The following CSGALNACT1 variants were observed in gnomAD, a reference collection of about 807,000 sequenced individuals.
The protein encoded by CSGALNACT1 is chondroitin sulfate N-acetylgalactosaminyltransferase 1.
CSGALNACT1 carries 52 observed loss-of-function variants against 51.0 expected under a neutral mutation model. That is an observed-to-expected ratio of 1.02 (90% CI 0.82 to 1.29). The LOEUF (loss-of-function observed/expected upper bound fraction) is 1.29. Ranked by LOEUF, CSGALNACT1 falls within the 50% of genes most tolerant of loss-of-function variation. The pLI is 0.00. For synonymous variants in CSGALNACT1, 341 were observed against 254.4 expected, an observed-to-expected ratio of 1.34 and a Z score of -3.24; for missense variants, 935 against 679.2, an observed-to-expected ratio of 1.38 and a Z score of -4.19.
intron 3 of CSGALNACT1, among the ~76,000 whole-genome samples, 196 bp from the exon 3 acceptor site, chr8:19,506,326 G>C (rs1322022899): frequency 6.6e-6 from 1 of 152,136 alleles, no homozygotes. Flanking sequence ...AGCAACAAAG[G>C]ACAGAGAAAA....
chr8:19,580,463 C>T (rs7838412), intron 3 of CSGALNACT1, among the ~76,000 whole-genome samples: 127,588 of 152,146 alleles, frequency 0.84, 53,589 homozygotes, highest in East Asian at 1. Flanking sequence ...ACCTTAGAAA[C>T]AAACCAAATG....
Position 19,679,086 on chromosome 8 carries a change from A to G in CSGALNACT1, c.-544+3387T>C, listed in dbSNP as rs531331996. On this transcript the variant is annotated intron_variant, in intron 1 of 9. Coordinates refer to the CSGALNACT1 transcript ENST00000332246. ...GTAGAAAAATTTCATAAAGACTTGA[A>G]AAACTTTCATAATTATTCTATGTAC... Among the ~76,000 whole-genome samples, 3 of 152,318 alleles carry G rather than the reference A, an allele frequency of 2.0e-5. No homozygotes were observed. In the South Asian group the frequency reaches 6.2e-4, roughly 32 times the overall value.
intron 1 of CSGALNACT1, among the ~76,000 whole-genome samples, chr8:19,725,588 C>G (rs1034891777): frequency 1.9e-4 from 29 of 151,730 alleles, no homozygotes; most frequent in African/African-American, 7.0e-4. Context: ...CCATGCCCAG[C>G]TAGTTTTTGT....
chr8:19,667,075 GAA>G (rs1384745526), intron 1 of CSGALNACT1, among the ~76,000 whole-genome samples: 1 of 125,286 alleles, frequency 8.0e-6, no homozygotes, highest in African/African-American at 2.9e-5. Context: ...AAGAAAGAAA[GAA>G]AGAAAGAAAG....
chr8:19,521,968 T>C (rs2080818480), intron 3 of CSGALNACT1, among the ~76,000 whole-genome samples: 1 of 152,218 alleles, frequency 6.6e-6, no homozygotes, highest in African/African-American at 2.4e-5. Context: ...CTTCCACATC[T>C]TGTATTTCCC....
intron 1 of CSGALNACT1, among the ~76,000 whole-genome samples, chr8:19,676,090 AC>A (rs72077278): frequency 0.13 from 19,772 of 146,528 alleles, 2,179 homozygotes; most frequent in African/African-American, 0.16. Context: ...GATTTAAAAA[AC>A]AAAACAAAAC....
chr8:19,756,209 A>T (rs1287060340), intron 1 of CSGALNACT1, among the ~76,000 whole-genome samples: 1 of 152,136 alleles, frequency 6.6e-6, no homozygotes, highest in Non-Finnish European at 1.5e-5. Context: ...TACAGAATTA[A>T]ATTTAAATTT....
chr8:19,527,149 G>C (rs2081884118), intron 3 of CSGALNACT1, among the ~76,000 whole-genome samples: 1 of 152,158 alleles, frequency 6.6e-6, no homozygotes, highest in Non-Finnish European at 1.5e-5. Flanking sequence ...ATCCATGAAA[G>C]GATAAATCAA....
At chr8:19,558,191 C>T (rs1197623962) in intron 3 of CSGALNACT1, among the ~76,000 whole-genome samples, 4 of 152,208 alleles carry the variant, frequency 2.6e-5, no homozygotes, top group East Asian at 3.8e-4. Context: ...ATGTTTACTA[C>T]AAGTGTTATT....
chr8:19,741,563 A>G lies in CSGALNACT1; in HGVS notation c.-297+16287T>C, dbSNP rs369912808. Among the ~76,000 whole-genome samples the G allele has an allele frequency of 8.4e-4, 125 of 148,620 alleles. 1 individual carries two copies. The highest frequency in any genetic ancestry group is 1.3e-3 in the Non-Finnish European group (84 of 67,014). On this transcript the variant is annotated intron_variant, in intron 1 of 1. Transcript: ENST00000517494. Reference sequence around the variant, plus strand: ...GGGCGAAAGAGTGAGACTCCATCAAAAAAAAAAAAAAAAAAAGGGAGTCTT... The same window carrying G: ...GGGCGAAAGAGTGAGACTCCATCAAGAAAAAAAAAAAAAAAAGGGAGTCTT...
At chr8:19,464,332 T>G (rs2066194225) in intron 4 of CSGALNACT1, among the ~76,000 whole-genome samples, 1 of 151,994 alleles carries the variant, frequency 6.6e-6, no homozygotes, top group South Asian at 2.1e-4. Context: ...ACAGCACCAC[T>G]CAAACCCCAC....
upstream of CSGALNACT1, among the ~76,000 whole-genome samples, chr8:19,683,951 A>G (rs1240813213): frequency 6.6e-6 from 1 of 152,164 alleles, no homozygotes; most frequent in Non-Finnish European, 1.5e-5. Flanking sequence ...GGATCATCTG[A>G]GGTCAGGAGT....
At chr8:19,643,360 G>C (rs1036850358) in intron 1 of CSGALNACT1, among the ~76,000 whole-genome samples, 1 of 152,186 alleles carries the variant, frequency 6.6e-6, no homozygotes, top group Non-Finnish European at 1.5e-5. Flanking sequence ...GCTTTCACCA[G>C]GCACAGTGGC....
chr8:19,474,100 A>G (rs1243388535), intron 4 of CSGALNACT1, among the ~76,000 whole-genome samples: 2 of 152,178 alleles, frequency 1.3e-5, no homozygotes. Flanking sequence ...AATAATAACA[A>G]TGGTCCAGAT....
chr8:19,524,150 C>G (rs1372147179), intron 3 of CSGALNACT1, among the ~76,000 whole-genome samples: 2 of 152,038 alleles, frequency 1.3e-5, no homozygotes, highest in Non-Finnish European at 2.9e-5. Context: ...ATTAGCTGGG[C>G]ATTGTGGTAC....
At chr8:19,661,909 ACTTCTC>A (rs2058768528) in intron 1 of CSGALNACT1, among the ~76,000 whole-genome samples, 1 of 152,034 alleles carries the variant, frequency 6.6e-6, no homozygotes, top group Admixed American at 6.6e-5. Flanking sequence ...TTTGACCAAG[ACTTCTC>A]CTTCATCCTA....
chr8:19,666,137 G>C (rs1210889123), intron 1 of CSGALNACT1, among the ~76,000 whole-genome samples: 1 of 152,192 alleles, frequency 6.6e-6, no homozygotes, highest in Non-Finnish European at 1.5e-5. Flanking sequence ...CAACACTGGT[G>C]AAAGGAGGGT....
intron 1 of CSGALNACT1, among the ~76,000 whole-genome samples, chr8:19,614,795 G>A (rs1450199678): frequency 6.6e-6 from 1 of 152,198 alleles, no homozygotes; most frequent in East Asian, 1.9e-4. Context: ...AGTGACTAAA[G>A]ACACAACAAT....
At chr8:19,659,479 G>A (rs956751924) in intron 1 of CSGALNACT1, among the ~76,000 whole-genome samples, 3 of 151,904 alleles carry the variant, frequency 2.0e-5, no homozygotes, top group African/African-American at 4.8e-5. Context: ...GTGTGTTTCC[G>A]ACAGAACTGA....
Sources: allele counts gnomAD v4.1 joint callset (sites outside exome capture counted in the v4.1 genomes callset), GRCh38; gene constraint gnomAD v4.1.1; transcripts MANE v1.5; gene names NCBI Gene and HGNC (gene_info 2026-07-23, HGNC 2026-07-21).